CSMD3: variants seen among roughly 807,000 people sequenced by gnomAD.
CSMD3 encodes the protein CUB and Sushi multiple domains 3.
A neutral mutation model predicts 435.2 loss-of-function variants in CSMD3; 177 were observed. The ratio of observed to expected loss-of-function variants is 0.41; its 90% CI spans 0.36 to 0.46. The LOEUF is 0.46. Among genes scored for constraint, CSMD3 ranks in the 20% least tolerant of loss-of-function variants. CSMD3 has a pLI of 0.34. For missense variants in CSMD3, 4,265 were observed against 4,504.6 expected (o/e 0.95, Z 1.52); for synonymous variants, 1,656 against 1,520.5 (o/e 1.09, Z -2.07).
intron 59 of CSMD3, among the ~76,000 whole-genome samples, chr8:112,273,070 A>G (rs889608350): frequency 6.6e-6 from 1 of 152,170 alleles, no homozygotes; most frequent in Non-Finnish European, 1.5e-5. Flanking sequence ...TACTTTTCCT[A>G]TGTTATTCAT....
rs1484809271 is a variant in CSMD3 at position 112,458,201 on chromosome 8, A to ACTCACACC, written c.5395+14389_5395+14390insGGTGTGAG. ...CAGTCCCCTTCAAATACGTACACAC[A>ACTCACACC]CACACACTCACACCCACACACACAC... On this transcript the variant is annotated intron_variant, in intron 32 of 70. Coordinates refer to ENST00000297405, the MANE Select transcript of CSMD3 (RefSeq NM_198123.2). 6.1e-5 allele frequency among the ~76,000 whole-genome samples: 8 copies of ACTCACACC among 130,466 alleles called. No individual in the cohort carries two copies. In the East Asian group the frequency reaches 2.1e-3, roughly 34 times the overall value. 85.6% of individuals were successfully genotyped at this position (130,466 alleles called of 152,430 possible).
At chr8:112,390,637 A>G in intron 36 of CSMD3, 27 bp downstream of exon 36, 1 of 1,591,354 alleles carries the variant, frequency 6.3e-7, no homozygotes. Flanking sequence ...CATACAATGA[A>G]AAGAAGAAAA....
chr8:112,555,047 A>G (rs10112543), intron 25 of CSMD3, among the ~76,000 whole-genome samples: 39,235 of 151,758 alleles, frequency 0.26, 5,350 homozygotes, highest in East Asian at 0.47. Context: ...CACTCACCAT[A>G]TGTCCAACTG....
chr8:112,506,955 C>T, intron 28 of CSMD3, 126 bp from the exon 29 acceptor site: 1 of 775,388 alleles, frequency 1.3e-6, no homozygotes, highest in South Asian at 1.5e-5. Context: ...TTTTATAGTA[C>T]TTGATGCTTG....
intron 36 of CSMD3, among the ~76,000 whole-genome samples, chr8:112,388,642 C>T (rs1199325106): frequency 6.6e-6 from 1 of 152,088 alleles, no homozygotes; most frequent in East Asian, 1.9e-4. Context: ...AGAAGTTTAG[C>T]TGAAAATGTC....
intron 8 of CSMD3, among the ~76,000 whole-genome samples, chr8:112,948,508 A>G (rs1467977797): frequency 3.3e-5 from 5 of 152,030 alleles, no homozygotes; most frequent in Non-Finnish European, 5.9e-5. Flanking sequence ...CATTTTCAGC[A>G]GTTTCTTCAA....
At chr8:112,716,563 CAAAA>C (rs2076733421) in intron 13 of CSMD3, among the ~76,000 whole-genome samples, 1 of 151,840 alleles carries the variant, frequency 6.6e-6, no homozygotes, top group South Asian at 2.1e-4. Context: ...CACATAATGA[CAAAA>C]AGAACCACTT....
intron 13 of CSMD3, among the ~76,000 whole-genome samples, chr8:112,709,602 A>T (rs1428924943): frequency 1.3e-5 from 2 of 152,132 alleles, no homozygotes; most frequent in Non-Finnish European, 2.9e-5. Context: ...ATAAAATTCT[A>T]GTCCTTTCTG....
chr8:113,064,561 T>C (rs1587997892), intron 5 of CSMD3, among the ~76,000 whole-genome samples: 2 of 152,248 alleles, frequency 1.3e-5, no homozygotes, highest in East Asian at 3.9e-4. Flanking sequence ...ACGAAAATAA[T>C]ACAGCAGGAT....
In CSMD3 at chr8:113,055,856, C is replaced by T. The variant is rs1440826184; in HGVS notation, c.918-36677G>A. 2.6e-5 allele frequency among the ~76,000 whole-genome samples: 4 copies of T among 152,096 alleles called. No homozygotes were observed. In the South Asian group the frequency reaches 6.2e-4, roughly 24 times the overall value. ...AAGTTGAGGTACTGTAAAAATTGCTCTTAAAGTTTGAAGATGAACCTTCTC... is the reference window on the plus strand; with the variant it reads ...AAGTTGAGGTACTGTAAAAATTGCTTTTAAAGTTTGAAGATGAACCTTCTC... On this transcript the variant is annotated intron_variant, in intron 5 of 70. Transcript: ENST00000297405.
At chr8:112,326,002 T>C (rs1458499863) in intron 45 of CSMD3, among the ~76,000 whole-genome samples, 2 of 152,152 alleles carry the variant, frequency 1.3e-5, no homozygotes, top group African/African-American at 2.4e-5. Context: ...CAAATTGGGT[T>C]TCTATTTCTT....
chr8:113,031,013 A>G (rs1378653563), intron 5 of CSMD3, among the ~76,000 whole-genome samples: 1 of 151,666 alleles, frequency 6.6e-6, no homozygotes, highest in African/African-American at 2.4e-5. Context: ...GTGAGGATGC[A>G]GAGAAACTGA....
intron 27 of CSMD3, among the ~76,000 whole-genome samples, chr8:112,542,913 T>C (rs1384132684): frequency 6.6e-6 from 1 of 151,972 alleles, no homozygotes; most frequent in African/African-American, 2.4e-5. Flanking sequence ...AATAAATCTA[T>C]GAAACGGTAA....
chr8:112,412,361 CGTG>C (rs10561889), intron 32 of CSMD3, among the ~76,000 whole-genome samples: 112,907 of 151,454 alleles, frequency 0.75, 42,442 homozygotes, highest in African/African-American at 0.82. Flanking sequence ...TAACAAGCTC[CGTG>C]GTGGTCTGTT....
intron 64 of CSMD3, 33 bp from the exon 65 acceptor site, chr8:112,244,606 C>A (rs1253167439): frequency 6.9e-6 from 11 of 1,598,348 alleles, no homozygotes; most frequent in Non-Finnish European, 9.4e-6. Flanking sequence ...TGTAAATTTT[C>A]TATAGATATG....
rs553285020 is a variant in CSMD3, at chr8:113,425,543, A to G, written c.178+11134T>C. The stretch of plus-strand genomic sequence containing the variant: ...CACAAATTGGCAATATATAAAAAAT[A>G]AGGTCAAAATGTCATTTCTGATATC... On this transcript the variant is annotated intron_variant, in intron 1 of 70. Transcript: ENST00000297405. Among the ~76,000 whole-genome samples the G allele has an allele frequency of 2.6e-5, 4 of 151,524 alleles. No homozygotes were observed. In the South Asian group the frequency reaches 6.2e-4, roughly 24 times the overall value.
At chr8:112,773,620 T>A in intron 13 of CSMD3, among the ~76,000 whole-genome samples, 1 of 152,042 alleles carries the variant, frequency 6.6e-6, no homozygotes, top group Middle Eastern at 3.4e-3. Context: ...GTGAATAGAC[T>A]ACAGAAAAAA....
chr8:112,907,477 C>A (rs774147629), intron 10 of CSMD3, among the ~76,000 whole-genome samples: 3 of 151,200 alleles, frequency 2.0e-5, no homozygotes, highest in Non-Finnish European at 3.0e-5. Context: ...ATTTACTTGA[C>A]GTGTTTTCTC....
chr8:113,375,231 T>C (rs2094373634), intron 1 of CSMD3, among the ~76,000 whole-genome samples: 1 of 152,114 alleles, frequency 6.6e-6, no homozygotes, highest in Non-Finnish European at 1.5e-5. Flanking sequence ...CCCCAAATCA[T>C]TGCTAATGTA....
Sources: gnomAD v4.1 joint callset for allele counts (sites outside exome capture counted in the v4.1 genomes callset) on GRCh38, gnomAD v4.1.1 for gene constraint, MANE v1.5 for transcripts, NCBI Gene and HGNC (gene_info 2026-07-23, HGNC 2026-07-21) for gene names.